PCDH15: variants seen among roughly 807,000 people sequenced by gnomAD.
PCDH15 encodes the protein protocadherin-15.
PCDH15 carries 129 observed loss-of-function variants against 178.5 expected under a neutral mutation model. The observed-to-expected ratio is 0.72, with a 90% CI of 0.63 to 0.84. PCDH15 has a LOEUF of 0.84. Ranked by LOEUF, PCDH15 falls within the 40% of genes least tolerant of loss-of-function variation. The pLI is 0.00. For missense variants in PCDH15, 2,230 were observed against 2,099.9 expected, an observed-to-expected ratio of 1.06 and a Z score of -1.21; for synonymous variants, 800 against 732.0, an observed-to-expected ratio of 1.09 and a Z score of -1.50.
intron 2 of PCDH15, among the ~76,000 whole-genome samples, chr10:55,477,972 G>A (rs188046330): frequency 6.6e-6 from 1 of 151,810 alleles, no homozygotes; most frequent in African/African-American, 2.4e-5. Context: ...CAAATAGACT[G>A]AAATTGACAG....
chr10:54,159,108 CAAA>C (rs34942409), intron 13 of PCDH15, among the ~76,000 whole-genome samples: 2 of 125,598 alleles, frequency 1.6e-5, no homozygotes, highest in Admixed American at 8.2e-5. Context: ...GAGTCTGTCT[CAAA>C]AAAAAAAAAA....
At chr10:55,470,331 G>A (rs534594675) in intron 2 of PCDH15, among the ~76,000 whole-genome samples, 9 of 151,444 alleles carry the variant, frequency 5.9e-5, no homozygotes, top group Non-Finnish European at 1.0e-4. Flanking sequence ...GGGTGACAGA[G>A]TGAGAATCCC....
intron 1 of PCDH15, among the ~76,000 whole-genome samples, chr10:55,298,747 A>T (rs974509825): frequency 5.3e-5 from 8 of 151,684 alleles, no homozygotes; most frequent in African/African-American, 1.2e-4. Context: ...CACCTAACGA[A>T]TTTTTTCTTT....
chr10:54,832,801 C>T (rs187755358), intron 3 of PCDH15, among the ~76,000 whole-genome samples: 1 of 152,146 alleles, frequency 6.6e-6, no homozygotes, highest in Admixed American at 6.6e-5. Flanking sequence ...AAATAGAGTT[C>T]TGTTAGGAGT....
chr10:53,845,812 T>C (rs745544960), intron 28 of PCDH15, among the ~76,000 whole-genome samples: 1 of 151,668 alleles, frequency 6.6e-6, no homozygotes, highest in Admixed American at 6.6e-5. Context: ...AACAGTACGG[T>C]AGGGAATTTA....
intron 11 of PCDH15, among the ~76,000 whole-genome samples, chr10:54,185,904 G>A (rs969066608): frequency 3.3e-5 from 5 of 152,002 alleles, no homozygotes; most frequent in Admixed American, 1.3e-4. Flanking sequence ...TTTAGCAAAT[G>A]TGTCTGATAG....
At chr10:54,298,191 T>TAC (rs1239085262) in intron 8 of PCDH15, among the ~76,000 whole-genome samples, 1 of 152,076 alleles carries the variant, frequency 6.6e-6, no homozygotes, top group Non-Finnish European at 1.5e-5. Flanking sequence ...CTTAAGGAAA[T>TAC]ACACTCCACT....
At chr10:55,325,294 G>A (rs1236923617) in intron 2 of PCDH15, among the ~76,000 whole-genome samples, 1 of 152,032 alleles carries the variant, frequency 6.6e-6, no homozygotes, top group African/African-American at 2.4e-5. Flanking sequence ...CAAAGCCTGA[G>A]ACATGATGTT....
intron 21 of PCDH15, among the ~76,000 whole-genome samples, chr10:53,987,307 G>C (rs1405181242): frequency 6.6e-6 from 1 of 151,636 alleles, no homozygotes; most frequent in Non-Finnish European, 1.5e-5. Flanking sequence ...AGTTTTCTAA[G>C]TATAAGCAAA....
chr10:55,098,800 T>C (rs1842505333), intron 2 of PCDH15, among the ~76,000 whole-genome samples: 1 of 151,882 alleles, frequency 6.6e-6, no homozygotes, highest in Non-Finnish European at 1.5e-5. Flanking sequence ...TTTTTCACTT[T>C]CGGAAGCGTC....
At chr10:54,807,936 G>A (rs1009152655) in intron 3 of PCDH15, among the ~76,000 whole-genome samples, 16 of 150,982 alleles carry the variant, frequency 1.1e-4, no homozygotes, top group Non-Finnish European at 1.9e-4. Flanking sequence ...CTAATATTTT[G>A]CTGAAATGGC....
At chr10:54,045,856 A>G (rs1409188097) in intron 18 of PCDH15, among the ~76,000 whole-genome samples, 2 of 152,140 alleles carry the variant, frequency 1.3e-5, no homozygotes, top group African/African-American at 4.8e-5. Flanking sequence ...CTTAAAATTT[A>G]AATCTGTGTG....
intron 33 of PCDH15, among the ~76,000 whole-genome samples, chr10:53,819,791 G>T (rs1237614805): frequency 2.0e-5 from 3 of 151,872 alleles, no homozygotes; most frequent in African/African-American, 4.8e-5. Context: ...ATACTAAAAG[G>T]TCTCATATAG....
At chr10:55,468,280 G>A (rs1839882139) in intron 2 of PCDH15, 1 of 152,098 alleles carries the variant, frequency 6.6e-6, no homozygotes, top group Non-Finnish European at 1.5e-5. Context: ...CGTTGTCGTT[G>A]TTGTTAGGGC....
intron 2 of PCDH15, among the ~76,000 whole-genome samples, chr10:55,595,024 T>C (rs1432759010): frequency 6.6e-6 from 1 of 152,074 alleles, no homozygotes; most frequent in Non-Finnish European, 1.5e-5. Context: ...TAATCATATT[T>C]ATCACCCATG....
At chr10:54,879,365 C>T (rs975553808) in intron 3 of PCDH15, among the ~76,000 whole-genome samples, 4 of 151,938 alleles carry the variant, frequency 2.6e-5, no homozygotes, top group African/African-American at 9.7e-5. Context: ...CATATTTTTA[C>T]AAAAGTTTCT....
intron 3 of PCDH15, among the ~76,000 whole-genome samples, chr10:54,405,813 C>G (rs1306188668): frequency 6.7e-6 from 1 of 149,012 alleles, no homozygotes; most frequent in Non-Finnish European, 1.5e-5. Flanking sequence ...TGGTTACTTC[C>G]AAACAATACA....
intron 18 of PCDH15, among the ~76,000 whole-genome samples, chr10:54,036,521 C>T (rs1170898783): frequency 6.6e-6 from 1 of 151,740 alleles, no homozygotes; most frequent in Non-Finnish European, 1.5e-5. Flanking sequence ...GAAGCATAAA[C>T]TATGTTTACA....
chr10:53,931,493 C>A (rs1429359837), intron 25 of PCDH15, among the ~76,000 whole-genome samples: 1 of 152,082 alleles, frequency 6.6e-6, no homozygotes, highest in African/African-American at 2.4e-5. Context: ...CATCAATAAA[C>A]AAAACAGATA....
Sources: allele counts gnomAD v4.1 joint callset (sites outside exome capture counted in the v4.1 genomes callset), GRCh38; gene constraint gnomAD v4.1.1; transcripts MANE v1.5; gene names NCBI Gene and HGNC (gene_info 2026-07-23, HGNC 2026-07-21).